The following RCOR1 variants were observed in gnomAD, a reference collection of about 807,000 sequenced individuals.
RCOR1 encodes REST corepressor.
RCOR1 carries 12 observed loss-of-function variants against 64.0 expected under a neutral mutation model. The ratio of observed to expected loss-of-function variants is 0.19; its 90% CI spans 0.12 to 0.30. The LOEUF (loss-of-function observed/expected upper bound fraction) is 0.30, where lower values mean the gene tolerates loss of function less well. Among genes scored for constraint, RCOR1 ranks in the 10% least tolerant of loss-of-function variants. The pLI, the probability that RCOR1 is intolerant of heterozygous loss-of-function variation, is 1.00. For synonymous variants in RCOR1, 279 were observed against 227.2 expected, an observed-to-expected ratio of 1.23 and a Z score of -2.05; for missense variants, 502 against 621.2, an observed-to-expected ratio of 0.81 and a Z score of 2.04.
At chr14:102,666,904 C>A (rs1379554358) in intron 2 of RCOR1, among the ~76,000 whole-genome samples, 1 of 152,188 alleles carries the variant, frequency 6.6e-6, no homozygotes, top group Non-Finnish European at 1.5e-5. Context: ...AAGTACTCTT[C>A]CATCTCCTGC....
intron 2 of RCOR1, among the ~76,000 whole-genome samples, chr14:102,668,766 A>T (rs1042194189): frequency 6.6e-6 from 1 of 152,078 alleles, no homozygotes; most frequent in African/African-American, 2.4e-5. Context: ...ATCATGGAGG[A>T]TAAAATCCTC....
At chr14:102,726,111 G>A (rs1298733436) in intron 11 of RCOR1, among the ~76,000 whole-genome samples, 3 of 151,898 alleles carry the variant, frequency 2.0e-5, no homozygotes, top group East Asian at 2.0e-4. Flanking sequence ...GGCAGATCAC[G>A]AGGTCAGGAG....
rs1447250252 is a variant in RCOR1, at chr14:102,712,944, A to AT, written c.859-1477dup. 7.6e-5 allele frequency among the ~76,000 whole-genome samples: 9 copies of AT among 118,946 alleles called. No homozygotes were observed. The South Asian group carries it at 1.7e-3, about 22-fold the overall frequency. The allele number at this position is 118,946 out of a possible 152,430, so 78.0% of individuals were successfully genotyped here. ...GATTCAGAAAGAAAATGGCTAAATCATTGTTTTTTTTTTTTTTTTTTTTTT... is the reference window on the plus strand; with the variant it reads ...GATTCAGAAAGAAAATGGCTAAATCATTTGTTTTTTTTTTTTTTTTTTTTTT... On this transcript the variant is annotated intron_variant, in intron 7 of 11. Transcript: ENST00000262241.
At chr14:102,682,848 A>G (rs1595228573) in intron 3 of RCOR1, among the ~76,000 whole-genome samples, 1 of 152,332 alleles carries the variant, frequency 6.6e-6, no homozygotes, top group East Asian at 1.9e-4. Flanking sequence ...ATGGCATCCC[A>G]TAGTTCAAAG....
intron 2 of RCOR1, among the ~76,000 whole-genome samples, chr14:102,596,132 A>C (rs1341114071): frequency 6.7e-6 from 1 of 149,296 alleles, no homozygotes; most frequent in East Asian, 2.0e-4. Context: ...ACGGAGTTTC[A>C]CTCTTGTTGC....
At chr14:102,662,756 A>G (rs1026051839) in intron 2 of RCOR1, 9 of 332,654 alleles carry the variant, frequency 2.7e-5, no homozygotes, top group African/African-American at 1.7e-4. Flanking sequence ...TTTCCATGAT[A>G]TGATTGTACC....
intron 2 of RCOR1, among the ~76,000 whole-genome samples, chr14:102,661,672 C>T (rs1040262796): frequency 1.3e-4 from 20 of 152,184 alleles, no homozygotes; most frequent in Non-Finnish European, 1.5e-5. Context: ...GGCATTTCTG[C>T]AGGTGAAGTG....
chr14:102,712,941 A>G (rs964066648), intron 7 of RCOR1, among the ~76,000 whole-genome samples: 6 of 143,982 alleles, frequency 4.2e-5, no homozygotes, highest in African/African-American at 7.8e-5. Flanking sequence ...AAATGGCTAA[A>G]TCATTGTTTT....
In RCOR1 at chr14:102,606,826, G is replaced by C. The variant is rs371238793; in HGVS notation, c.361+13501G>C. The stretch of plus-strand genomic sequence containing the variant: ...GTTAAGTATTATCTAGTATAAACTC[G>C]TCAGAGCTAAATAGGGGCTGAATTT... On this transcript the variant is annotated intron_variant, in intron 2 of 11. Transcript: ENST00000262241. Among the ~76,000 whole-genome samples, 39 of 151,560 alleles carry C rather than the reference G, an allele frequency of 2.6e-4. No individual in the cohort carries two copies. In the East Asian group the frequency reaches 2.7e-3, roughly 11 times the overall value.
chr14:102,679,569 C>G (rs978215349), intron 2 of RCOR1, among the ~76,000 whole-genome samples: 1 of 151,946 alleles, frequency 6.6e-6, no homozygotes, highest in Non-Finnish European at 1.5e-5. Context: ...AGCTCCGCCT[C>G]TCGCGTTCAC....
chr14:102,593,210 G>A (rs745328856), intron 1 of RCOR1, 23 bp downstream of exon 1: 4 of 1,475,226 alleles, frequency 2.7e-6, no homozygotes, highest in African/African-American at 3.0e-5. Flanking sequence ...CGCCCCCGCG[G>A]CCCCGGGCCC....
chr14:102,627,097 T>C (rs1352156774), intron 2 of RCOR1, among the ~76,000 whole-genome samples: 1 of 152,104 alleles, frequency 6.6e-6, no homozygotes, highest in African/African-American at 2.4e-5. Flanking sequence ...TCCCTTTATT[T>C]CATTGGGGAA....
chr14:102,702,688 A>G (rs1895776001), intron 4 of RCOR1, among the ~76,000 whole-genome samples: 1 of 152,168 alleles, frequency 6.6e-6, no homozygotes, highest in Admixed American at 6.5e-5. Context: ...TGATCCTCAC[A>G]ATGGAGGCAA....
At chr14:102,704,442 A>AT (rs1011009540) in intron 4 of RCOR1, among the ~76,000 whole-genome samples, 2 of 152,120 alleles carry the variant, frequency 1.3e-5, no homozygotes, top group Non-Finnish European at 2.9e-5. Flanking sequence ...TTTTTATTTT[A>AT]TTTTTTTGAG....
At chr14:102,610,946 T>C (rs1893619773) in intron 2 of RCOR1, among the ~76,000 whole-genome samples, 1 of 148,956 alleles carries the variant, frequency 6.7e-6, no homozygotes, top group East Asian at 2.0e-4. Flanking sequence ...CTGAGAAATG[T>C]ATGATGGCTG....
intron 3 of RCOR1, among the ~76,000 whole-genome samples, chr14:102,682,897 C>T (rs1411926345): frequency 2.0e-5 from 3 of 152,128 alleles, no homozygotes; most frequent in Non-Finnish European, 4.4e-5. Context: ...TAGTGAGTGG[C>T]GGAACCCCAA....
chr14:102,662,225 C>A lies in RCOR1; in HGVS notation c.362-19670C>A, dbSNP rs192303171. ...AAGATATACATATATTTAGAATTAG[C>A]CAGCTGGACTCAGTTTAGATGACCC... On this transcript the variant is annotated intron_variant, in intron 2 of 11. Transcript: ENST00000262241. 1.0e-4 allele frequency: 49 copies of A among 484,338 alleles called. 1 individual carries two copies. In the Admixed American group the frequency reaches 1.1e-3, roughly 10 times the overall value. The allele number at this position is 484,338 out of a possible 1,614,324, so 30.0% of individuals were successfully genotyped here.
chr14:102,702,690 T>C (rs1380107053), intron 4 of RCOR1, among the ~76,000 whole-genome samples: 4 of 152,106 alleles, frequency 2.6e-5, no homozygotes, highest in Non-Finnish European at 5.9e-5. Context: ...ATCCTCACAA[T>C]GGAGGCAAGC....
In RCOR1 at chr14:102,593,062, C is replaced by T. The variant is rs1327984898; in HGVS notation, c.176C>T (p.Ala59Val). Residue 59 changes from alanine to valine, a missense_variant, in exon 1 of 12, where the codon GCC becomes GTC. Around this residue, in one of 2 missense-constraint regions of RCOR1, gnomAD observed 242 missense variants for 204.9 expected, o/e 1.18. Coordinates refer to ENST00000262241, the MANE Select transcript of RCOR1 (RefSeq NM_015156.4). ...GCCTCCTCAGCCTCGGCCGCCGCCG[C>T]CTCAGCCGCCGCCGCCCCCAATAAT... ...AAASSASAAA[A>V]SAAAAPNNGQ... The T allele has an allele frequency of 7.1e-6, 10 of 1,404,288 alleles. No homozygotes were observed. The highest frequency in any genetic ancestry group is 6.5e-6 in the Non-Finnish European group (7 of 1,072,108). The allele number at this position is 1,404,288 out of a possible 1,614,324, so 87.0% of individuals were successfully genotyped here. A position where few individuals can be genotyped will look rare whatever the true frequency, so the allele number is the denominator to read the frequency against.
Sources: gnomAD v4.1 joint callset for allele counts (sites outside exome capture counted in the v4.1 genomes callset) on GRCh38, gnomAD v4.1.1 for gene constraint, gnomAD v4.1.1 regional missense constraint, MANE v1.5 for transcripts, NCBI Gene and HGNC (gene_info 2026-07-23, HGNC 2026-07-21) for gene names.